Variants in ANO4 observed in about 807,000 individuals in gnomAD.
The protein encoded by ANO4 is anoctamin-4.
ANO4 carries 69 observed loss-of-function variants against 141.9 expected under a neutral mutation model. The ratio of observed to expected loss-of-function variants is 0.49; its 90% CI spans 0.40 to 0.59. The LOEUF is 0.59. Ranked by LOEUF, ANO4 falls within the 20% of genes least tolerant of loss-of-function variation. The pLI is 0.00. For missense variants in ANO4, 894 were observed against 1,162.2 expected (o/e 0.77, Z 3.36); for synonymous variants, 350 against 394.3 (o/e 0.89, Z 1.33).
At chr12:100,963,284 A>G (rs1167863920) in intron 5 of ANO4, among the ~76,000 whole-genome samples, 2 of 152,116 alleles carry the variant, frequency 1.3e-5, no homozygotes, top group Non-Finnish European at 2.9e-5. Context: ...TCTAGGGAGG[A>G]CAGGTAGAAT....
intron 9 of ANO4, among the ~76,000 whole-genome samples, chr12:101,026,896 A>G (rs2046760241): frequency 6.6e-6 from 1 of 152,166 alleles, no homozygotes; most frequent in Non-Finnish European, 1.5e-5. Flanking sequence ...CAAAATTAAA[A>G]CTTCCCTTTT....
intron 14 of ANO4, chr12:101,066,933 G>A (rs999621238): frequency 1.3e-6 from 1 of 769,216 alleles, no homozygotes; most frequent in African/African-American, 1.7e-5. Context: ...TCTGTTACAA[G>A]GCAACATGAG....
intron 1 of ANO4, among the ~76,000 whole-genome samples, chr12:100,728,926 A>T (rs1288587707): frequency 6.6e-6 from 1 of 152,012 alleles, no homozygotes; most frequent in Non-Finnish European, 1.5e-5. Context: ...GTTAAGAAAC[A>T]GAACACTTCC....
chr12:101,075,985 CAAAT>C (rs1171945374), intron 14 of ANO4, among the ~76,000 whole-genome samples: 1 of 152,048 alleles, frequency 6.6e-6, no homozygotes, highest in African/African-American at 2.4e-5. Context: ...TCTTCTTCCT[CAAAT>C]GAATGGGCAT....
At chr12:100,973,165 T>G (rs2044004635) in intron 6 of ANO4, among the ~76,000 whole-genome samples, 1 of 152,220 alleles carries the variant, frequency 6.6e-6, no homozygotes, top group Admixed American at 6.5e-5. Context: ...TTGATGTAGG[T>G]TTACCTACTA....
chr12:101,111,799 T>C (rs2050676186), intron 24 of ANO4, 89 bp downstream of exon 24: 1 of 1,216,124 alleles, frequency 8.2e-7, no homozygotes, highest in Non-Finnish European at 1.1e-6. Flanking sequence ...CACTGGAGAA[T>C]ATGGAATACA....
At chr12:100,995,796 T>A (rs888286515) in intron 8 of ANO4, among the ~76,000 whole-genome samples, 4 of 152,190 alleles carry the variant, frequency 2.6e-5, no homozygotes, top group Non-Finnish European at 4.4e-5. Flanking sequence ...GTGAGCTACC[T>A]GAGGACAGGA....
chr12:100,723,438 C>T (rs1335994274), intron 1 of ANO4, among the ~76,000 whole-genome samples: 1 of 152,076 alleles, frequency 6.6e-6, no homozygotes, highest in Non-Finnish European at 1.5e-5. Context: ...GGTGTGTGCT[C>T]AGGGACAGAG....
At position 100,871,730 on chromosome 12, in the gene ANO4, C is replaced by G. The variant is rs549785085; in HGVS notation, c.-140-29916C>G. Among the ~76,000 whole-genome samples the G allele has an allele frequency of 9.8e-5, 15 of 152,324 alleles. No homozygotes were observed. In the East Asian group the frequency reaches 2.7e-3, roughly 27 times the overall value. On this transcript the variant is annotated intron_variant, in intron 1 of 27. Coordinates refer to ENST00000392977, the MANE Select transcript of ANO4 (RefSeq NM_001286615.2). Reference sequence around the variant, plus strand: ...AGCTTCCTGGTTCATACATAGCCATCTTCTCACTGCATTCTCACATGGTGC... The same window carrying G: ...AGCTTCCTGGTTCATACATAGCCATGTTCTCACTGCATTCTCACATGGTGC...
At chr12:101,125,539 T>C (rs2051276095) in intron 26 of ANO4, among the ~76,000 whole-genome samples, 1 of 152,306 alleles carries the variant, frequency 6.6e-6, no homozygotes, top group South Asian at 2.1e-4. Context: ...CATCCTTGTC[T>C]TGTGCCGGTT....
rs2035067052 is a variant in ANO4 at position 100,806,564 on chromosome 12, AGAC to A, written c.-141+11538_-141+11540del. The stretch of plus-strand genomic sequence containing the variant: ...TTTTTTTTTTTTTTTTTTTTTTGTG[AGAC>A]AGAGTCTCGCTCTGTCACCCAGGCT... On this transcript the variant is annotated intron_variant, in intron 1 of 27. Coordinates refer to ENST00000392977, the MANE Select transcript of ANO4 (RefSeq NM_001286615.2). Among the ~76,000 whole-genome samples the A allele has an allele frequency of 2.6e-4, 3 of 11,576 alleles. 1 individual carries two copies. Among genetic ancestry groups the A allele is most frequent in the African/African-American group, 7.5e-4 (3 of 4,024 alleles). The allele number at this position is 11,576 out of a possible 152,430, so 7.6% of individuals were successfully genotyped here. A position where few individuals can be genotyped will look rare whatever the true frequency, so the allele number is the denominator to read the frequency against.
chr12:101,111,588 C>T lies in ANO4; in HGVS notation c.2328C>T (p.Gly776=). Residue 776 remains glycine (G), a synonymous_variant, in exon 24 of 28, where the codon GGC becomes GGT. Transcript: ENST00000392977. ...GAATTTGGTATGGAATTCTTGAAGG[C>T]ATTGGAATTCTCTCTGTTATCACAA... The part of the protein sequence containing the change: ...DIGIWYGILE[G]IGILSVITNA... The T allele has an allele frequency of 1.9e-6, 3 of 1,609,404 alleles. No individual in the cohort carries two copies. Among genetic ancestry groups the T allele is most frequent in the Non-Finnish European group, 2.5e-6 (3 of 1,178,088 alleles).
intron 8 of ANO4, among the ~76,000 whole-genome samples, chr12:100,988,740 G>A (rs909812894): frequency 1.3e-5 from 2 of 151,614 alleles, no homozygotes; most frequent in African/African-American, 2.4e-5. Context: ...GCATGGTGGT[G>A]CACACCTGTA....
chr12:100,815,136 C>T (rs1031978711), intron 1 of ANO4, among the ~76,000 whole-genome samples: 2 of 152,092 alleles, frequency 1.3e-5, no homozygotes, highest in Non-Finnish European at 2.9e-5. Context: ...CCTAACTATT[C>T]TGGATACGTA....
At chr12:100,733,993 G>T in intron 2 of ANO4, 2 of 574,020 alleles carry the variant, frequency 3.5e-6, no homozygotes, top group Non-Finnish European at 6.2e-6. Context: ...CAGAGCAATT[G>T]CTTGTGGACT....
intron 1 of ANO4, among the ~76,000 whole-genome samples, chr12:100,809,696 A>G (rs1382983925): frequency 6.6e-6 from 1 of 152,232 alleles, no homozygotes; most frequent in African/African-American, 2.4e-5. Context: ...GCTTTATATG[A>G]CATGCGCAAG....
At chr12:101,116,115 C>T (rs1043431998) in intron 24 of ANO4, among the ~76,000 whole-genome samples, 1 of 151,966 alleles carries the variant, frequency 6.6e-6, no homozygotes, top group Non-Finnish European at 1.5e-5. Flanking sequence ...TTCAGTTGGC[C>T]GCTGAAGGAT....
At chr12:100,757,815 C>T (rs1034042326) in intron 3 of ANO4, among the ~76,000 whole-genome samples, 8 of 152,210 alleles carry the variant, frequency 5.3e-5, no homozygotes, top group African/African-American at 1.9e-4. Flanking sequence ...AATTGTCTCA[C>T]CTTTCTTTTG....
chr12:100,862,232 AT>A (rs2038518236), intron 1 of ANO4, among the ~76,000 whole-genome samples: 1 of 152,130 alleles, frequency 6.6e-6, no homozygotes, highest in African/African-American at 2.4e-5. Context: ...ACCCAGTTAA[AT>A]TTTTAAATAA....
Sources: gnomAD v4.1 joint callset for allele counts (sites outside exome capture counted in the v4.1 genomes callset) on GRCh38, gnomAD v4.1.1 for gene constraint, MANE v1.5 for transcripts, NCBI Gene and HGNC (gene_info 2026-07-23, HGNC 2026-07-21) for gene names.